TJP1: variants seen among roughly 807,000 people sequenced by gnomAD.
TJP1 encodes tight junction protein ZO-1.
Under a neutral mutation model 194.2 loss-of-function variants are expected in TJP1, and 43 were observed. The observed-to-expected ratio is 0.22, with a 90% CI of 0.17 to 0.29. The LOEUF (loss-of-function observed/expected upper bound fraction) is 0.29, where lower values mean the gene tolerates loss of function less well. Ranked by LOEUF, TJP1 falls within the 10% of genes least tolerant of loss-of-function variation. The probability of loss-of-function intolerance (pLI) is 1.00; values close to 1 mark genes in which losing one functional copy is unlikely to be tolerated. For synonymous variants in TJP1, 801 were observed against 779.0 expected (o/e 1.03, Z -0.47); for missense variants, 1,971 against 2,185.7 (o/e 0.90, Z 1.96).
At chr15:29,729,728 G>A (rs1365173337) in intron 15 of TJP1, among the ~76,000 whole-genome samples, 1 of 151,696 alleles carries the variant, frequency 6.6e-6, no homozygotes, top group Non-Finnish European at 1.5e-5. Flanking sequence ...GCTGAGGCAG[G>A]AGAATGGCAT....
At position 29,817,478 on chromosome 15, in the gene TJP1, C is replaced by G. The variant is rs998975519; in HGVS notation, c.27+4524G>C. On this transcript the variant is annotated intron_variant, in intron 1 of 27. Transcript: ENST00000614355. ...ACCATTTGACCCAGTAATCCCATTA[C>G]TGGGTATATACTCAAAGGAATATAA... Among the ~76,000 whole-genome samples, 26 of 152,160 alleles carry G rather than the reference C, an allele frequency of 1.7e-4. 1 individual carries two copies. The highest frequency in any genetic ancestry group is 1.3e-4 in the Admixed American group (2 of 15,280).
intron 1 of TJP1, among the ~76,000 whole-genome samples, chr15:29,959,828 GC>G (rs954906533): frequency 1.3e-5 from 2 of 151,842 alleles, no homozygotes; most frequent in Non-Finnish European, 2.9e-5. Flanking sequence ...CTTTCAATTG[GC>G]CTCCCAAAGT....
intron 8 of TJP1, among the ~76,000 whole-genome samples, chr15:29,756,668 A>G (rs898507483): frequency 3.3e-5 from 5 of 152,326 alleles, no homozygotes; most frequent in East Asian, 3.9e-4. Context: ...ACAGAGGAAC[A>G]TAAGTAGGTC....
At chr15:29,743,930 C>CA (rs1273305769) in intron 8 of TJP1, among the ~76,000 whole-genome samples, 2 of 152,142 alleles carry the variant, frequency 1.3e-5, no homozygotes, top group Non-Finnish European at 2.9e-5. Flanking sequence ...CCTGTATTCC[C>CA]AGCATTTTGG....
At chr15:29,940,616 T>G (rs1360368584) in intron 2 of TJP1, among the ~76,000 whole-genome samples, 1 of 152,192 alleles carries the variant, frequency 6.6e-6, no homozygotes, top group Admixed American at 6.5e-5. Flanking sequence ...TATATGTTCC[T>G]CAGGGATGAT....
At chr15:29,751,956 G>A (rs2045311179) in intron 8 of TJP1, among the ~76,000 whole-genome samples, 1 of 152,028 alleles carries the variant, frequency 6.6e-6, no homozygotes, top group South Asian at 2.1e-4. Context: ...ACAGGGCCTT[G>A]TTCTATTGCC....
Position 29,822,126 on chromosome 15 carries a change from C to G in TJP1, c.-98G>C, listed in dbSNP as rs928419234. The stretch of plus-strand genomic sequence containing the variant: ...CGCCACAGCCCAAATAAACATCTCC[C>G]GAGAGCGAGCGGGGCACGGGCGGGG... On this transcript the variant is annotated 5_prime_UTR_variant, in exon 1 of 28. Transcript: ENST00000614355. The G allele has an allele frequency of 7.5e-6, 9 of 1,202,780 alleles. No individual in the cohort carries two copies. The South Asian group carries it at 1.6e-4, about 22-fold the overall frequency. 74.5% of individuals were successfully genotyped at this position (1,202,780 alleles called of 1,614,324 possible).
intron 2 of TJP1, among the ~76,000 whole-genome samples, chr15:29,935,755 T>C (rs1214312572): frequency 6.6e-6 from 1 of 152,090 alleles, no homozygotes; most frequent in Admixed American, 6.5e-5. Context: ...GCATCAACAA[T>C]CTGGTCTCCT....
chr15:29,956,235 G>T (rs1439756819), exon 2 of TJP1: 6 of 1,286,100 alleles, frequency 4.7e-6, no homozygotes, highest in South Asian at 3.7e-5. Flanking sequence ...CACTTACAGT[G>T]AGCTCACAGA....
intron 4 of TJP1, among the ~76,000 whole-genome samples, chr15:29,767,945 C>G (rs912357394): frequency 2.0e-5 from 3 of 152,166 alleles, no homozygotes; most frequent in Non-Finnish European, 4.4e-5. Flanking sequence ...TCCAGGTTAC[C>G]TGAAACTTCA....
chr15:29,925,723 A>T (rs1283841221), intron 2 of TJP1, among the ~76,000 whole-genome samples: 1 of 152,158 alleles, frequency 6.6e-6, no homozygotes, highest in African/African-American at 2.4e-5. Flanking sequence ...AGCTCTTCTG[A>T]CAGGTAGACC....
At chr15:29,734,753 T>G (rs1162445721) in intron 11 of TJP1, among the ~76,000 whole-genome samples, 1 of 152,120 alleles carries the variant, frequency 6.6e-6, no homozygotes, top group Non-Finnish European at 1.5e-5. Flanking sequence ...CCTAAAGTGC[T>G]GGGACTACAG....
rs1183078974 is a variant in TJP1, at chr15:29,710,891, G to T, written c.4312C>A (p.Pro1438Thr). 6.2e-7 allele frequency: 1 copy of T among 1,614,002 alleles called. No individual in the cohort carries two copies. Among genetic ancestry groups the T allele is most frequent in the African/African-American group, 1.3e-5 (1 of 74,916 alleles). The change falls in exon 24 of 28, where the codon CCA (proline) becomes ACA (threonine). Residue 1438 changes from proline (P) to threonine (T), a missense_variant. Coordinates refer to ENST00000614355, the MANE Select transcript of TJP1 (RefSeq NM_001330239.4). Reference sequence around the variant, plus strand: ...GACGCGCTGGTGACAGGCTGAGATGGCTGGGCATACTGCGAGGGCAATGGA... The same window carrying T: ...GACGCGCTGGTGACAGGCTGAGATGTCTGGGCATACTGCGAGGGCAATGGA... ...PPPLPSQYAQ[P>T]SQPVTSASLH... is the part of the protein sequence containing the mutation.
chr15:29,826,157 AAG>A (rs767985916), upstream of TJP1, among the ~76,000 whole-genome samples: 463 of 21,076 alleles, frequency 0.022, 1 homozygote, highest in Non-Finnish European at 0.037. Context: ...TTTTTTTAAA[AAG>A]AAGACATAAA....
In TJP1 at chr15:29,718,864, T is replaced by C; in HGVS notation, c.3278A>G (p.Tyr1093Cys). The stretch of plus-strand genomic sequence containing the variant: ...TGGGTAGGGCTGTTTGTCATCATAA[T>C]ATGACCACTGTTCTTCATACATGGG... ...RVPMYEEQWS[Y>C]YDDKQPYPSR... is the part of the protein sequence containing the mutation. Residue 1093 changes from tyrosine (Y) to cysteine (C), a missense_variant, in exon 21 of 28, where the codon TAT becomes TGT. By Grantham distance (194) the Tyr-to-Cys change is radical (BLOSUM62 -2). This residue lies in a region of TJP1 where 1,108 missense variants were observed against 1,128.5 expected (regional missense o/e 0.98). Coordinates refer to ENST00000614355, the MANE Select transcript of TJP1 (RefSeq NM_001330239.4). The C allele has an allele frequency of 6.2e-7, 1 of 1,614,218 alleles. No homozygotes were observed. The highest frequency in any genetic ancestry group is 8.5e-7 in the Non-Finnish European group (1 of 1,180,032).
At chr15:29,807,805 T>C (rs1330256310) in intron 1 of TJP1, among the ~76,000 whole-genome samples, 2 of 152,076 alleles carry the variant, frequency 1.3e-5, no homozygotes, top group African/African-American at 2.4e-5. Context: ...TATAATGGTA[T>C]AGAAAAATGC....
chr15:29,766,870 G>C (rs1414024412), intron 4 of TJP1, among the ~76,000 whole-genome samples: 1 of 152,096 alleles, frequency 6.6e-6, no homozygotes, highest in Admixed American at 6.6e-5. Context: ...TGAATAAAAA[G>C]GACAGCACTG....
At chr15:29,950,268 C>T (rs1205596243) in intron 2 of TJP1, among the ~76,000 whole-genome samples, 21 of 150,774 alleles carry the variant, frequency 1.4e-4, no homozygotes, top group East Asian at 2.0e-4. Context: ...TCTATGACCA[C>T]CACCTCCACT....
At chr15:29,717,873 G>T in intron 22 of TJP1, 148 bp downstream of exon 22, 1 of 648,576 alleles carries the variant, frequency 1.5e-6, no homozygotes, top group Non-Finnish European at 2.6e-6. Flanking sequence ...TAGAATCACT[G>T]TTTAGGAGAG....
Sources: allele counts gnomAD v4.1 joint callset (sites outside exome capture counted in the v4.1 genomes callset), GRCh38; gene constraint gnomAD v4.1.1; regional missense constraint gnomAD v4.1.1; transcripts MANE v1.5; gene names NCBI Gene and HGNC (gene_info 2026-07-23, HGNC 2026-07-21).